The following ATP8B4 variants were observed in gnomAD, a reference collection of about 807,000 sequenced individuals.
ATP8B4 encodes the protein probable phospholipid-transporting ATPase IM.
In ATP8B4, 133 loss-of-function variants were observed where a neutral mutation model predicts 145.6. That is an observed-to-expected ratio of 0.91 (90% CI 0.79 to 1.05). The LOEUF (loss-of-function observed/expected upper bound fraction) is 1.05, where lower values mean the gene tolerates loss of function less well. Ranked by LOEUF, ATP8B4 falls within the 50% of genes least tolerant of loss-of-function variation. ATP8B4 has a pLI of 0.00. For synonymous variants in ATP8B4, 507 were observed against 492.9 expected (o/e 1.03, Z -0.38); for missense variants, 1,458 against 1,425.2 (o/e 1.02, Z -0.37).
Position 49,894,415 on chromosome 15 carries a change from C to T in ATP8B4, c.2697+2877G>A, listed in dbSNP as rs1435042508. On this transcript the variant is annotated intron_variant, in intron 23 of 27. Transcript: ENST00000284509. The stretch of plus-strand genomic sequence containing the variant: ...GCAGTCCAGGACTCCTATTCAGAGG[C>T]CCAATTATTTTTATATGGTGATTGC... 6.6e-5 allele frequency among the ~76,000 whole-genome samples: 10 copies of T among 152,182 alleles called. No homozygotes were observed. In the East Asian group the frequency reaches 1.9e-3, roughly 29 times the overall value.
chr15:50,034,228 GTTTTTT>G (rs35916300), intron 6 of ATP8B4, among the ~76,000 whole-genome samples: 1 of 123,740 alleles, frequency 8.1e-6, no homozygotes, highest in Non-Finnish European at 1.7e-5. Context: ...TCCTTTCCTT[GTTTTTT>G]TTTTTTTTTT....
intron 3 of ATP8B4, among the ~76,000 whole-genome samples, chr15:50,069,490 G>T (rs1275717114): frequency 2.0e-5 from 3 of 152,120 alleles, no homozygotes; most frequent in African/African-American, 7.2e-5. Context: ...ATTTATCAGA[G>T]CTATCTGTAA....
intron 1 of ATP8B4, among the ~76,000 whole-genome samples, chr15:50,140,493 C>T (rs2044191577): frequency 6.6e-6 from 1 of 152,000 alleles, no homozygotes; most frequent in African/African-American, 2.4e-5. Flanking sequence ...TGATTACCTC[C>T]CAGAGTAGTT....
intron 1 of ATP8B4, among the ~76,000 whole-genome samples, chr15:50,139,768 T>C (rs2044181610): frequency 6.6e-6 from 1 of 152,210 alleles, no homozygotes. Context: ...TCCTGGAATA[T>C]GCATATTAGG....
chr15:49,918,038 C>T (rs1026623632), intron 19 of ATP8B4, among the ~76,000 whole-genome samples: 2 of 152,256 alleles, frequency 1.3e-5, no homozygotes, highest in Non-Finnish European at 2.9e-5. Context: ...TCCCCTAATG[C>T]TATAAAAAAT....
chr15:50,078,785 A>T (rs188680948), intron 2 of ATP8B4, among the ~76,000 whole-genome samples: 11 of 152,334 alleles, frequency 7.2e-5, no homozygotes, highest in African/African-American at 2.6e-4. Context: ...AGCCTGAAAC[A>T]TAAGAATCAG....
chr15:50,014,540 C>T (rs2048949932), intron 6 of ATP8B4, among the ~76,000 whole-genome samples: 1 of 152,150 alleles, frequency 6.6e-6, no homozygotes, highest in Non-Finnish European at 1.5e-5. Context: ...AGGGACTGTA[C>T]TGATCCCTTC....
At position 49,964,249 on chromosome 15, in the gene ATP8B4, A is replaced by C. The variant is rs112202858; in HGVS notation, c.1244-2229T>G. Reference sequence around the variant, plus strand: ...TGAGTGAATCTGGCCTAGCACCTGGAATTTAAATCTCAAATTCACTGTGTT... The same window carrying C: ...TGAGTGAATCTGGCCTAGCACCTGGCATTTAAATCTCAAATTCACTGTGTT... On this transcript the variant is annotated intron_variant, in intron 13 of 27. Coordinates refer to ENST00000284509, the MANE Select transcript of ATP8B4 (RefSeq NM_024837.4). Among the ~76,000 whole-genome samples, 871 of 152,214 alleles carry C rather than the reference A, an allele frequency of 5.7e-3. 4 individuals are homozygous for C. Among genetic ancestry groups the C allele is most frequent in the Middle Eastern group, 0.014 (4 of 294 alleles).
chr15:49,926,653 T>A (rs911404404), intron 16 of ATP8B4, among the ~76,000 whole-genome samples: 2 of 152,260 alleles, frequency 1.3e-5, no homozygotes, highest in Admixed American at 6.5e-5. Flanking sequence ...ACCTTTCAAC[T>A]TTTCACATTC....
At chr15:50,179,609 G>A (rs1455416701) in intron 1 of ATP8B4, among the ~76,000 whole-genome samples, 1 of 151,218 alleles carries the variant, frequency 6.6e-6, no homozygotes, top group Non-Finnish European at 1.5e-5. Context: ...CAATGTGATG[G>A]TATTAGGAGG....
At chr15:50,087,094 T>TAA (rs2055207549) in intron 2 of ATP8B4, among the ~76,000 whole-genome samples, 3 of 96,392 alleles carry the variant, frequency 3.1e-5, no homozygotes, top group Admixed American at 1.2e-4. Flanking sequence ...ATATTATATA[T>TAA]AATAAATATA....
At chr15:50,040,376 C>A (rs2051181526) in intron 5 of ATP8B4, among the ~76,000 whole-genome samples, 1 of 152,166 alleles carries the variant, frequency 6.6e-6, no homozygotes, top group Non-Finnish European at 1.5e-5. Flanking sequence ...GTATTGCCAA[C>A]CATGTTGCTG....
At chr15:50,115,920 T>C (rs1332952052) in intron 1 of ATP8B4, among the ~76,000 whole-genome samples, 5 of 152,294 alleles carry the variant, frequency 3.3e-5, no homozygotes, top group Admixed American at 2.0e-4. Flanking sequence ...GGTATCTAAG[T>C]AGAATGGCAC....
chr15:49,939,134 A>G (rs978254264), intron 14 of ATP8B4, among the ~76,000 whole-genome samples: 1 of 152,016 alleles, frequency 6.6e-6, no homozygotes, highest in African/African-American at 2.4e-5. Context: ...ATGCTAAACA[A>G]TTTCCTTAAA....
intron 3 of ATP8B4, among the ~76,000 whole-genome samples, chr15:50,051,391 T>A (rs2052175431): frequency 6.6e-6 from 1 of 152,220 alleles, no homozygotes; most frequent in African/African-American, 2.4e-5. Flanking sequence ...GAAAACGGAC[T>A]AATACAACAT....
chr15:50,154,053 A>G (rs1391068281), intron 1 of ATP8B4, among the ~76,000 whole-genome samples: 2 of 152,240 alleles, frequency 1.3e-5, no homozygotes, highest in African/African-American at 4.8e-5. Flanking sequence ...CCTTCTAATC[A>G]TAGCCAACTT....
intron 2 of ATP8B4, among the ~76,000 whole-genome samples, chr15:50,077,767 A>G (rs547516625): frequency 6.6e-6 from 1 of 152,272 alleles, no homozygotes; most frequent in South Asian, 2.1e-4. Flanking sequence ...CACGTCAGGG[A>G]AGGAAACCAA....
chr15:50,064,388 A>T (rs968853141), intron 3 of ATP8B4, among the ~76,000 whole-genome samples: 1 of 152,122 alleles, frequency 6.6e-6, no homozygotes, highest in African/African-American at 2.4e-5. Context: ...TTAGATCAAC[A>T]GTCTTGGCAT....
intron 14 of ATP8B4, among the ~76,000 whole-genome samples, chr15:49,961,145 A>AAAT (rs2044039043): frequency 6.6e-6 from 1 of 152,152 alleles, no homozygotes; most frequent in Admixed American, 6.5e-5. Context: ...AAAAAAAAAA[A>AAAT]AATTATGAAC....
Sources: gnomAD v4.1 joint callset for allele counts (sites outside exome capture counted in the v4.1 genomes callset) on GRCh38, gnomAD v4.1.1 for gene constraint, MANE v1.5 for transcripts, NCBI Gene and HGNC (gene_info 2026-07-23, HGNC 2026-07-21) for gene names.